The following CD177 variants were observed in gnomAD, a reference collection of about 807,000 sequenced individuals.
CD177 encodes the protein CD177 molecule, also known as CD177 antigen.
Under a neutral mutation model 38.1 loss-of-function variants are expected in CD177, and 41 were observed. That is an observed-to-expected ratio of 1.07 (90% CI 0.84 to 1.39). The LOEUF (loss-of-function observed/expected upper bound fraction) is 1.39, where lower values mean the gene tolerates loss of function less well. CD177 is among the 40% of genes most tolerant of loss of function. The pLI is 0.00. For missense variants in CD177, 619 were observed against 523.8 expected (o/e 1.18, Z -1.77); for synonymous variants, 236 against 216.7 (o/e 1.09, Z -0.78).
chr19:43,355,763 G>T lies in CD177; in HGVS notation c.482G>T (p.Gly161Val), dbSNP rs745717842. 6 of 1,613,098 alleles carry T rather than the reference G, an allele frequency of 3.7e-6. No homozygotes were observed. Among genetic ancestry groups the T allele is most frequent in the Admixed American group, 1.7e-5 (1 of 59,880 alleles). Residue 161 changes from glycine (G) to valine (V), a missense_variant, in exon 4 of 9, where the codon GGC (glycine) becomes GTC (valine). Coordinates refer to ENST00000618265, the MANE Select transcript of CD177 (RefSeq NM_020406.4). ...AAGGGGACCACACACTGTTATGATGGCCTCCTCAGGCTCAGGGGAGGTAAG... is the reference window on the plus strand; with the variant it reads ...AAGGGGACCACACACTGTTATGATGTCCTCCTCAGGCTCAGGGGAGGTAAG... ...CPKGTTHCYD[G>V]LLRLRGGGIF...
In CD177 at chr19:43,353,994, G is replaced by A. The variant is rs1234223833; in HGVS notation, c.193+1G>A. ...GACACGTTGATGCTCATTGAGAGCG[G>A]TGAGAAGGCCCTGGCGTGCAGAGAC... On this transcript the variant is annotated splice_donor_variant, in intron 2 of 8. Coordinates refer to ENST00000618265, the MANE Select transcript of CD177 (RefSeq NM_020406.4). LOFTEE classifies it high-confidence loss of function. The A allele has an allele frequency of 1.9e-6, 3 of 1,613,500 alleles. No homozygotes were observed. The highest frequency in any genetic ancestry group is 8.5e-7 in the Non-Finnish European group (1 of 1,179,692).
rs1483704073 is a variant in CD177 at position 43,362,084 on chromosome 19, C to G, written c.1082-4C>G. 5.0e-6 allele frequency: 8 copies of G among 1,613,070 alleles called. No homozygotes were observed. The South Asian group carries it at 6.6e-5, about 13-fold the overall frequency. ...TCCTTTCTGACTTGGTCTTCTCCCT[C>G]TAGGTGGGCTGTCCACCAAAATGAG... On this transcript the variant is annotated splice_polypyrimidine_tract_variant and splice_region_variant and intron_variant, in intron 8 of 8. Coordinates refer to ENST00000618265, the MANE Select transcript of CD177 (RefSeq NM_020406.4).
downstream of CD177, among the ~76,000 whole-genome samples, chr19:43,363,694 AGAG>A (rs1037551920): frequency 5.2e-4 from 56 of 106,746 alleles, no homozygotes; most frequent in African/African-American, 2.1e-3. Context: ...AGGAGAGGGA[AGAG>A]GAGAAGAGAG....
At chr19:43,363,816 G>A (rs951941619), downstream of CD177, among the ~76,000 whole-genome samples, 6 of 152,148 alleles carry the variant, frequency 3.9e-5, no homozygotes, top group Non-Finnish European at 7.4e-5. Context: ...GGACGGGCTC[G>A]GTGGCTCACG....
Position 43,360,390 on chromosome 19 carries a change from C to T in CD177, c.745C>T (p.Leu249=), listed in dbSNP as rs1459938885. ...EVGQVCQETL[L]LLDVGLTSTL... ...GGGGCAGGTGTGTCAGGAGACGCTG[C>T]TGCTCCTAGATGTAGGTACGTGGAC... The change falls in exon 6 of 9, where the codon CTG becomes TTG. Residue 249 remains leucine (L), a synonymous_variant. Transcript: ENST00000618265. The T allele has an allele frequency of 6.2e-7, 1 of 1,603,096 alleles. No individual in the cohort carries two copies. The highest frequency in any genetic ancestry group is 8.5e-7 in the Non-Finnish European group (1 of 1,174,964).
At position 43,354,350 on chromosome 19, in the gene CD177, C is replaced by G. The variant is rs2122238920; in HGVS notation, c.337C>G (p.Leu113Val). The G allele has an allele frequency of 6.2e-7, 1 of 1,613,986 alleles. No homozygotes were observed. The highest frequency in any genetic ancestry group is 1.3e-5 in the African/African-American group (1 of 75,026). The stretch of plus-strand genomic sequence containing the variant: ...CCGCCAGGAGGACTTCTGCAACAAC[C>G]TCGTTAACTCCCTCCCGCTTTGGGC... ...VCRQEDFCNN[L>V]VNSLPLWAPQ... The change falls in exon 3 of 9, where the codon CTC (leucine) becomes GTC (valine). Residue 113 changes from leucine (L) to valine (V), a missense_variant. Physicochemically the swap from Leu to Val is conservative, Grantham distance 32 (BLOSUM62 1). Transcript: ENST00000618265.
At chr19:43,354,142 G>A (rs1000207945) in intron 2 of CD177, 65 bp from the exon 3 acceptor site, 4 of 1,573,776 alleles carry the variant, frequency 2.5e-6, no homozygotes, top group Non-Finnish European at 3.5e-6. Flanking sequence ...CCGTGTAGCA[G>A]CGTCTCCCTC....
At chr19:43,354,882 T>C (rs3859484) in intron 3 of CD177, among the ~76,000 whole-genome samples, 2,044 of 151,680 alleles carry the variant, frequency 0.013, 46 homozygotes, top group African/African-American at 0.044. Context: ...TTCTTGGAGG[T>C]TTAGTAGCGC....
rs1425230178 is a variant in CD177, at chr19:43,359,842, T to C, written c.620-423T>C. ...GTGCAGAGGCAGTGCTCAGCGGCAG[T>C]GCTCAGCCCACCCTGGCCCTTCGCA... On this transcript the variant is annotated intron_variant, in intron 5 of 8. Coordinates refer to ENST00000618265, the MANE Select transcript of CD177 (RefSeq NM_020406.4). 1.5e-4 allele frequency among the ~76,000 whole-genome samples: 19 copies of C among 124,996 alleles called. 1 individual carries two copies. Among genetic ancestry groups the C allele is most frequent in the African/African-American group, 6.0e-4 (19 of 31,630 alleles). 82.0% of individuals were successfully genotyped at this position (124,996 alleles called of 152,430 possible). A position where few individuals can be genotyped will look rare whatever the true frequency, so the allele number is the denominator to read the frequency against.
Position 43,354,206 on chromosome 19 carries a change from G to C in CD177, c.194-1G>C, listed in dbSNP as rs1459406885. 2 of 1,611,918 alleles carry C rather than the reference G, an allele frequency of 1.2e-6. No homozygotes were observed. Among genetic ancestry groups the C allele is most frequent in the Non-Finnish European group, 1.7e-6 (2 of 1,179,194 alleles). On this transcript the variant is annotated splice_acceptor_variant, in intron 2 of 8. Coordinates refer to ENST00000618265, the MANE Select transcript of CD177 (RefSeq NM_020406.4). LOFTEE classifies it high-confidence loss of function. ...TCGCTTGCCTCCCTCTTTCGGTCCA[G>C]GACCCCAAGTGAGCCTGGTGCTCTC...
At position 43,362,544 on chromosome 19, in the gene CD177, G is replaced by A. The variant is rs1394481101; in HGVS notation, c.*224G>A. 3.8e-5 allele frequency: 17 copies of A among 452,388 alleles called. No homozygotes were observed. In the East Asian group the frequency reaches 5.7e-4, roughly 15 times the overall value. The allele number at this position is 452,388 out of a possible 1,614,324, so 28.0% of individuals were successfully genotyped here. On this transcript the variant is annotated 3_prime_UTR_variant, in exon 9 of 9. Coordinates refer to ENST00000618265, the MANE Select transcript of CD177 (RefSeq NM_020406.4). ...GAGAGGGGACGCTGGAGGAGTGGCT[G>A]CATGTATCTGATAATACAGACCCTG... is the stretch of plus-strand genomic sequence containing the variant.
chr19:43,363,947 G>C (rs902155232), downstream of CD177, among the ~76,000 whole-genome samples: 1 of 152,064 alleles, frequency 6.6e-6, no homozygotes, highest in Non-Finnish European at 1.5e-5. Context: ...AAAATAAGCC[G>C]GGTGTGGTGG....
chr19:43,354,183 G>C (rs769213233), intron 2 of CD177, 24 bp from the exon 3 acceptor site: 5 of 1,603,240 alleles, frequency 3.1e-6, no homozygotes, highest in Non-Finnish European at 4.3e-6. Context: ...CTCCATCCTC[G>C]CTTGCCTCCC....
At chr19:43,359,831 CTCAGCGGCAGT>C (rs1969934820) in intron 5 of CD177, among the ~76,000 whole-genome samples, 1 of 120,176 alleles carries the variant, frequency 8.3e-6, no homozygotes, top group African/African-American at 3.3e-5. Flanking sequence ...AGAGGCAGTG[CTCAGCGGCAGT>C]GCTCAGCCCA....
rs201053454 is a variant in CD177 at position 43,362,301 on chromosome 19, T to C, written c.1295T>C (p.Val432Ala). ...LALAPALWWGVVCPSC is the reference protein window; with the variant it reads ...LALAPALWWGAVCPSC Reference sequence around the variant, plus strand: ...CTGGCCCCAGCGCTGTGGTGGGGAGTGGTTTGCCCTTCCTGCTAACTCTAT... The same window carrying C: ...CTGGCCCCAGCGCTGTGGTGGGGAGCGGTTTGCCCTTCCTGCTAACTCTAT... The change falls in exon 9 of 9, where the codon GTG (valine) becomes GCG (alanine). Residue 432 changes from valine (V) to alanine (A), a missense_variant. Coordinates refer to ENST00000618265, the MANE Select transcript of CD177 (RefSeq NM_020406.4). 314 of 1,539,992 alleles carry C rather than the reference T, an allele frequency of 2.0e-4. No homozygotes were observed. Among genetic ancestry groups the C allele is most frequent in the Non-Finnish European group, 2.0e-4 (227 of 1,120,120 alleles).
intron 3 of CD177, among the ~76,000 whole-genome samples, chr19:43,355,068 C>T (rs1392048799): frequency 7.5e-6 from 1 of 133,448 alleles, no homozygotes; most frequent in Admixed American, 7.7e-5. Flanking sequence ...ACCCCCCACC[C>T]CCACTTGCCA....
downstream of CD177, among the ~76,000 whole-genome samples, chr19:43,364,285 G>A (rs1029598554): frequency 6.6e-5 from 10 of 152,170 alleles, no homozygotes; most frequent in African/African-American, 2.2e-4. Flanking sequence ...GGGGCTGCTG[G>A]TGCTTAGAGC....
intron 6 of CD177, chr19:43,360,924 G>C: frequency 1.6e-6 from 1 of 611,042 alleles, no homozygotes. Flanking sequence ...TCATGGAGAA[G>C]GTGACCTTTG....
rs765381710 is a variant in CD177, at chr19:43,362,275, A to C, written c.1269A>C (p.Ala423=). Reference sequence around the variant, plus strand: ...CTCTCACTTGGGGGGTGGGGCTGGCACTGGCCCCAGCGCTGTGGTGGGGAG... The same window carrying C: ...CTCTCACTTGGGGGGTGGGGCTGGCCCTGGCCCCAGCGCTGTGGTGGGGAG... The part of the protein sequence containing the change: ...LESLTWGVGL[A]LAPALWWGVV... The change falls in exon 9 of 9, where the codon GCA becomes GCC. Residue 423 remains alanine (A), a synonymous_variant. Transcript: ENST00000618265. 5.0e-6 allele frequency: 8 copies of C among 1,597,764 alleles called. No individual in the cohort carries two copies. The East Asian group carries it at 1.8e-4, about 36-fold the overall frequency.
Sources: allele counts gnomAD v4.1 joint callset (sites outside exome capture counted in the v4.1 genomes callset), GRCh38; gene constraint gnomAD v4.1.1; transcripts MANE v1.5; gene names NCBI Gene and HGNC (gene_info 2026-07-23, HGNC 2026-07-21).